The following DYRK1A variants were observed in gnomAD, a reference collection of about 807,000 sequenced individuals.
DYRK1A encodes dual specificity tyrosine-phosphorylation-regulated kinase 1A.
Under a neutral mutation model 79.7 loss-of-function variants are expected in DYRK1A, and 9 were observed. The ratio of observed to expected loss-of-function variants is 0.11; its 90% CI spans 0.07 to 0.20. DYRK1A has a LOEUF of 0.20. DYRK1A is among the 10% of genes least tolerant of loss of function. The pLI is 1.00. For synonymous variants in DYRK1A, 349 were observed against 329.7 expected, an observed-to-expected ratio of 1.06 and a Z score of -0.63; for missense variants, 622 against 956.0, an observed-to-expected ratio of 0.65 and a Z score of 4.61.
At position 37,479,607 on chromosome 21, in the gene DYRK1A, TTTTTGTTTTTTG is replaced by T. The variant is rs1333584417; in HGVS notation, c.301-1026_301-1015del. On this transcript the variant is annotated intron_variant, in intron 4 of 11. Coordinates refer to ENST00000647188, the MANE Select transcript of DYRK1A (RefSeq NM_001347721.2). ...TGTTGGTGTTTTGTTTTTGTTTTTG[TTTTTGTTTTTTG>T]TTTTTTTTTTTTTTTTTGGAGACAG... Among the ~76,000 whole-genome samples, 68 of 62,746 alleles carry T rather than the reference TTTTTGTTTTTTG, an allele frequency of 1.1e-3. 1 individual carries two copies. The highest frequency in any genetic ancestry group is 7.2e-3 in the African/African-American group (59 of 8,150). The allele number at this position is 62,746 out of a possible 152,430, so 41.2% of individuals were successfully genotyped here.
chr21:37,444,140 T>A (rs2051192536), intron 2 of DYRK1A, among the ~76,000 whole-genome samples: 1 of 152,204 alleles, frequency 6.6e-6, no homozygotes, highest in Non-Finnish European at 1.5e-5. Context: ...TTTAGAAGGT[T>A]TATCAGATTG....
chr21:37,524,405 C>G lies in DYRK1A; in HGVS notation c.*11874C>G, dbSNP rs1177344893. The stretch of plus-strand genomic sequence containing the variant: ...AATATCTCATCACAGAATTTATTCA[C>G]AAAAATAAAAAATGAAAATGAAGCT... On this transcript the variant is annotated 3_prime_UTR_variant, in exon 12 of 12. Coordinates refer to ENST00000647188, the MANE Select transcript of DYRK1A (RefSeq NM_001347721.2). The G allele has an allele frequency of 6.6e-6, 1 of 152,062 alleles. No individual in the cohort carries two copies. The highest frequency in any genetic ancestry group is 1.5e-5 in the Non-Finnish European group (1 of 68,008). 9.4% of individuals were successfully genotyped at this position (152,062 alleles called of 1,614,324 possible).
Position 37,473,019 on chromosome 21 carries a change from TAAG to T in DYRK1A, c.207+143_207+145del, listed in dbSNP as rs35860351. 0.18 allele frequency: 114,939 copies of T among 632,416 alleles called. 11,899 individuals are homozygous for T. The highest frequency in any genetic ancestry group is 0.36 in the East Asian group (10,930 of 30,496). The allele number at this position is 632,416 out of a possible 1,614,324, so 39.2% of individuals were successfully genotyped here. ...GGGATTATGGATTGGGAAAACATGT[TAAG>T]AAGTTTGCATTAAATTTTTTTTTTT... On this transcript the variant is annotated intron_variant, in intron 3 of 11. Transcript: ENST00000647188.
intron 4 of DYRK1A, among the ~76,000 whole-genome samples, chr21:37,479,594 GTTTTT>G (rs2052531279): frequency 4.1e-5 from 1 of 24,292 alleles, no homozygotes; most frequent in African/African-American, 2.3e-4. Context: ...TTGGTGTTTT[GTTTTT>G]GTTTTTGTTT....
chr21:37,474,373 T>TTTA (rs746706699), intron 3 of DYRK1A, among the ~76,000 whole-genome samples: 7 of 152,242 alleles, frequency 4.6e-5, no homozygotes, highest in Non-Finnish European at 1.0e-4. Context: ...ATGAAATACT[T>TTTA]TTAAAGATTT....
chr21:37,476,101 G>A (rs1315416651), intron 3 of DYRK1A, among the ~76,000 whole-genome samples: 1 of 152,178 alleles, frequency 6.6e-6, no homozygotes, highest in East Asian at 1.9e-4. Context: ...AGAGCCTGGG[G>A]TTAGGCATGG....
At position 37,522,639 on chromosome 21, in the gene DYRK1A, T is replaced by G. The variant is rs2053942420; in HGVS notation, c.*10108T>G. ...TGAACCACACTGGTGCCTACAAAAT[T>G]TTTATTTTGGCAAAACCGTCCATGA... On this transcript the variant is annotated 3_prime_UTR_variant, in exon 12 of 12. Coordinates refer to ENST00000647188, the MANE Select transcript of DYRK1A (RefSeq NM_001347721.2). 1 of 152,208 alleles carries G rather than the reference T, an allele frequency of 6.6e-6. No homozygotes were observed. The highest frequency in any genetic ancestry group is 1.5e-5 in the Non-Finnish European group (1 of 68,042). 9.4% of individuals were successfully genotyped at this position (152,208 alleles called of 1,614,324 possible).
intron 6 of DYRK1A, chr21:37,488,558 G>A: frequency 1.0e-6 from 1 of 984,900 alleles, no homozygotes; most frequent in Non-Finnish European, 1.2e-6. Flanking sequence ...CTTCAACAAA[G>A]TCTTGCCAGC....
chr21:37,471,477 A>G (rs1187116749), intron 2 of DYRK1A, among the ~76,000 whole-genome samples: 2 of 152,240 alleles, frequency 1.3e-5, no homozygotes, highest in East Asian at 3.8e-4. Context: ...TTTACTGCAC[A>G]TTGACTGTGC....
At chr21:37,477,121 A>C (rs951980649) in intron 3 of DYRK1A, among the ~76,000 whole-genome samples, 1 of 152,118 alleles carries the variant, frequency 6.6e-6, no homozygotes, top group African/African-American at 2.4e-5. Flanking sequence ...GGTTAGGTTA[A>C]CAATTATACC....
At chr21:37,479,600 G>GTTTTTTTTTTTTT (rs1569362052) in intron 4 of DYRK1A, among the ~76,000 whole-genome samples, 4 of 22,790 alleles carry the variant, frequency 1.8e-4, no homozygotes, top group South Asian at 1.5e-3. Flanking sequence ...TTTTGTTTTT[G>GTTTTTTTTTTTTT]TTTTTGTTTT....
chr21:37,474,477 A>G (rs112289484), intron 3 of DYRK1A, among the ~76,000 whole-genome samples: 19 of 152,338 alleles, frequency 1.2e-4, no homozygotes, highest in Non-Finnish European at 1.8e-4. Context: ...AGGGAGTCAT[A>G]TTAGAGGATC....
chr21:37,452,366 GGGTGGGGA>G (rs2051481976), intron 2 of DYRK1A, among the ~76,000 whole-genome samples: 1 of 149,756 alleles, frequency 6.7e-6, no homozygotes, highest in Non-Finnish European at 1.5e-5. Context: ...GAGGTAAAGG[GGGTGGGGA>G]GGTGGAAGTA....
chr21:37,403,663 A>ATATG (rs1205913356), intron 1 of DYRK1A, among the ~76,000 whole-genome samples: 51 of 121,546 alleles, frequency 4.2e-4, no homozygotes, highest in East Asian at 1.2e-3. Context: ...ATATATATAT[A>ATATG]TGTGTGTGTG....
rs748049989 is a variant in DYRK1A at position 37,514,913 on chromosome 21, G to T, written c.*2382G>T. On this transcript the variant is annotated 3_prime_UTR_variant, in exon 12 of 12. Transcript: ENST00000647188. ...AAGCAGTTTTTAAACCGATATTTAC[G>T]TAAAGAAAATCATAAAATCCAATGC... 1 of 152,448 alleles carries T rather than the reference G, an allele frequency of 6.6e-6. No individual in the cohort carries two copies. The allele number at this position is 152,448 out of a possible 1,614,324, so 9.4% of individuals were successfully genotyped here. A position where few individuals can be genotyped will look rare whatever the true frequency, so the allele number is the denominator to read the frequency against.
intron 2 of DYRK1A, among the ~76,000 whole-genome samples, chr21:37,437,807 A>C (rs2050970347): frequency 6.6e-6 from 1 of 152,206 alleles, no homozygotes. Flanking sequence ...TAAAGATGCT[A>C]TGAATATTGT....
At position 37,519,295 on chromosome 21, in the gene DYRK1A, C is replaced by G. The variant is rs2053911494; in HGVS notation, c.*6764C>G. 6.6e-6 allele frequency: 1 copy of G among 152,216 alleles called. No individual in the cohort carries two copies. Among genetic ancestry groups the G allele is most frequent in the South Asian group, 2.1e-4 (1 of 4,824 alleles). 9.4% of individuals were successfully genotyped at this position (152,216 alleles called of 1,614,324 possible). ...GTTACAGTTTCCCTCTCTAGAATCC[C>G]AAAGAGGTTCAGATCCCACTGCTCC... On this transcript the variant is annotated 3_prime_UTR_variant, in exon 12 of 12. Transcript: ENST00000647188.
chr21:37,479,612 G>GTTTTTTTTTTTTTTTTTTTTTTTTTT lies in DYRK1A; in HGVS notation c.301-1020_301-1019insTTTTTTTTTTTTTTTTTTTTTTTTTT, dbSNP rs367673016. 1.4e-3 allele frequency among the ~76,000 whole-genome samples: 67 copies of GTTTTTTTTTTTTTTTTTTTTTTTTTT among 47,162 alleles called. 7 individuals carry two copies. Among genetic ancestry groups the GTTTTTTTTTTTTTTTTTTTTTTTTTT allele is most frequent in the South Asian group, 4.8e-3 (5 of 1,050 alleles). 30.9% of individuals were successfully genotyped at this position (47,162 alleles called of 152,430 possible). ...GTGTTTTGTTTTTGTTTTTGTTTTT[G>GTTTTTTTTTTTTTTTTTTTTTTTTTT]TTTTTTGTTTTTTTTTTTTTTTTTG... On this transcript the variant is annotated intron_variant, in intron 4 of 11. Transcript: ENST00000647188.
chr21:37,498,675 ATC>A (rs2053348383), intron 9 of DYRK1A, among the ~76,000 whole-genome samples: 1 of 152,152 alleles, frequency 6.6e-6, no homozygotes, highest in South Asian at 2.1e-4. Flanking sequence ...ATATGTTTTC[ATC>A]TCTCTGACAG....
Sources: allele counts gnomAD v4.1 joint callset (sites outside exome capture counted in the v4.1 genomes callset), GRCh38; gene constraint gnomAD v4.1.1; transcripts MANE v1.5; gene names NCBI Gene and HGNC (gene_info 2026-07-23, HGNC 2026-07-21).